Variants in SAMMSON observed in about 807,000 individuals in gnomAD.
The protein encoded by SAMMSON is survival associated mitochondrial melanoma specific oncogenic non-coding RNA, also known as long intergenic non-protein coding RNA 1212.
intron 9 of SAMMSON, among the ~76,000 whole-genome samples, chr3:70,362,660 A>G (rs1260603761): frequency 1.3e-5 from 2 of 152,088 alleles, no homozygotes; most frequent in Non-Finnish European, 2.9e-5. Flanking sequence ...AAAAGTGTGT[A>G]TGTGTGTATG....
At chr3:70,178,165 C>G (rs1206887211) in intron 4 of SAMMSON, among the ~76,000 whole-genome samples, 1 of 152,066 alleles carries the variant, frequency 6.6e-6, no homozygotes, top group Non-Finnish European at 1.5e-5. Context: ...GAGGGCTCTT[C>G]AAAACAGTTC....
intron 3 of SAMMSON, among the ~76,000 whole-genome samples, chr3:70,017,615 A>T (rs1450610971): frequency 2.0e-5 from 3 of 152,114 alleles, no homozygotes; most frequent in Admixed American, 2.0e-4. Context: ...AACTTCTAAC[A>T]CTATGTTGAA....
chr3:70,286,857 TTGTC>T (rs1438543930), intron 6 of SAMMSON, among the ~76,000 whole-genome samples: 2 of 152,050 alleles, frequency 1.3e-5, no homozygotes, highest in East Asian at 3.9e-4. Context: ...GGCTCTCTGT[TTGTC>T]TGTTGTTGGT....
chr3:70,070,735 G>A lies in SAMMSON; in HGVS notation n.418-741G>A, dbSNP rs146478913. ...AGTGATAGGCTCTTGATTTTTCTAT[G>A]TATTTCTGTGTATCTCAAATGAGTA... On this transcript the variant is annotated intron_variant and non_coding_transcript_variant, in intron 3 of 9. Transcript: ENST00000642114. 2.1e-3 allele frequency among the ~76,000 whole-genome samples: 315 copies of A among 152,048 alleles called. 2 individuals are homozygous for A. The highest frequency in any genetic ancestry group is 7.3e-3 in the African/African-American group (304 of 41,520).
chr3:70,184,455 G>A (rs1156243374), intron 4 of SAMMSON, among the ~76,000 whole-genome samples: 1 of 152,116 alleles, frequency 6.6e-6, no homozygotes, highest in East Asian at 1.9e-4. Flanking sequence ...TATCACTTAG[G>A]TAAAGAAGGG....
chr3:70,387,475 T>A (rs953382126), intron 9 of SAMMSON, among the ~76,000 whole-genome samples: 1 of 152,084 alleles, frequency 6.6e-6, no homozygotes, highest in Non-Finnish European at 1.5e-5. Context: ...TTGCTCTCTT[T>A]CCAGATTTTT....
At chr3:70,072,926 C>T (rs1294976751) in intron 4 of SAMMSON, among the ~76,000 whole-genome samples, 1 of 151,978 alleles carries the variant, frequency 6.6e-6, no homozygotes, top group Non-Finnish European at 1.5e-5. Flanking sequence ...CTTAATTGGG[C>T]TCATTGTAAA....
At chr3:70,236,166 G>A (rs762823626) in intron 4 of SAMMSON, among the ~76,000 whole-genome samples, 3 of 151,838 alleles carry the variant, frequency 2.0e-5, no homozygotes, top group Admixed American at 6.6e-5. Context: ...TCTCTCCTTC[G>A]CATAGATGAC....
At chr3:70,169,750 A>C (rs1471945616) in intron 4 of SAMMSON, among the ~76,000 whole-genome samples, 1 of 151,730 alleles carries the variant, frequency 6.6e-6, no homozygotes, top group East Asian at 1.9e-4. Context: ...GAGGATAATA[A>C]ATTTAGAGTT....
chr3:70,276,288 T>C (rs1434840082), intron 6 of SAMMSON, among the ~76,000 whole-genome samples: 1 of 152,216 alleles, frequency 6.6e-6, no homozygotes, highest in Non-Finnish European at 1.5e-5. Context: ...TCTTCCAATT[T>C]TATATACTGT....
At chr3:70,105,742 A>T (rs1473543068) in intron 4 of SAMMSON, among the ~76,000 whole-genome samples, 1 of 152,138 alleles carries the variant, frequency 6.6e-6, no homozygotes, top group Non-Finnish European at 1.5e-5. Flanking sequence ...CAAAAGCCAT[A>T]ATTAAGGGTG....
chr3:70,151,751 T>C (rs184403345), intron 4 of SAMMSON, among the ~76,000 whole-genome samples: 1 of 152,192 alleles, frequency 6.6e-6, no homozygotes, highest in East Asian at 1.9e-4. Flanking sequence ...GGGTTGTTTT[T>C]CTTTTTTTTG....
At chr3:70,235,382 A>C (rs1701597648) in intron 4 of SAMMSON, among the ~76,000 whole-genome samples, 1 of 151,846 alleles carries the variant, frequency 6.6e-6, no homozygotes, top group Non-Finnish European at 1.5e-5. Context: ...TCACCCACTC[A>C]CTCCTTAATC....
intron 3 of SAMMSON, among the ~76,000 whole-genome samples, chr3:70,016,480 A>T (rs2107579114): frequency 6.6e-6 from 1 of 152,062 alleles, no homozygotes. Context: ...TAGATTCTGG[A>T]TATTAGCCCT....
intron 4 of SAMMSON, among the ~76,000 whole-genome samples, chr3:70,195,798 A>G (rs1261161872): frequency 6.6e-6 from 1 of 152,228 alleles, no homozygotes; most frequent in Non-Finnish European, 1.5e-5. Flanking sequence ...ACAGAAAGTA[A>G]AGAACATTCC....
intron 2 of SAMMSON, among the ~76,000 whole-genome samples, chr3:70,395,921 A>G (rs12486329): frequency 0.57 from 86,036 of 151,772 alleles, 24,954 homozygotes; most frequent in Middle Eastern, 0.62. Flanking sequence ...AGCTCATCCA[A>G]CCCTTCCTAT....
intron 1 of SAMMSON, among the ~76,000 whole-genome samples, chr3:70,001,665 C>T (rs2066906246): frequency 6.6e-6 from 1 of 152,132 alleles, no homozygotes; most frequent in Admixed American, 6.6e-5. Flanking sequence ...GGAATCACGA[C>T]TTTCTAATTT....
At chr3:70,183,281 G>C (rs1701068458) in intron 4 of SAMMSON, 1 of 152,016 alleles carries the variant, frequency 6.6e-6, no homozygotes, top group Non-Finnish European at 1.5e-5. Flanking sequence ...TCAGTTTTCA[G>C]GAACCATGAA....
At chr3:70,274,383 G>A (rs13065675) in intron 6 of SAMMSON, among the ~76,000 whole-genome samples, 9 of 150,806 alleles carry the variant, frequency 6.0e-5, no homozygotes, top group African/African-American at 1.5e-4. Flanking sequence ...TATAGAATGA[G>A]TATGTGATAG....
Sources: gnomAD v4.1 joint callset for allele counts (sites outside exome capture counted in the v4.1 genomes callset) on GRCh38, gnomAD v4.1.1 for gene constraint, MANE v1.5 for transcripts, NCBI Gene and HGNC (gene_info 2026-07-23, HGNC 2026-07-21) for gene names.